Variants in BNC2 observed in about 807,000 individuals in gnomAD.
The protein encoded by BNC2 is basonuclin zinc finger protein 2.
In BNC2, 20 loss-of-function variants were observed where a neutral mutation model predicts 76.3. The observed-to-expected ratio is 0.26, with a 90% CI of 0.18 to 0.38. The LOEUF is 0.38. Ranked by LOEUF, BNC2 falls within the 10% of genes least tolerant of loss-of-function variation. The pLI, the probability that BNC2 is intolerant of heterozygous loss-of-function variation, is 1.00. For missense variants in BNC2, 1,382 were observed against 1,399.8 expected (o/e 0.99, Z 0.20); for synonymous variants, 582 against 514.8 (o/e 1.13, Z -1.77).
chr9:16,618,868 G>A, intron 3 of BNC2, among the ~76,000 whole-genome samples: 1 of 152,142 alleles, frequency 6.6e-6, no homozygotes, highest in East Asian at 1.9e-4. Flanking sequence ...CTAAGAAAAG[G>A]CGCCCTTCTA....
At chr9:16,467,832 TAAAAAAAAAAAATTA>T (rs1280689955) in intron 5 of BNC2, among the ~76,000 whole-genome samples, 1 of 113,746 alleles carries the variant, frequency 8.8e-6, no homozygotes, top group African/African-American at 3.4e-5. Flanking sequence ...TAGAGTATAA[TAAAAAAAAAAAATTA>T]AAAAAAAAAA....
intron 5 of BNC2, among the ~76,000 whole-genome samples, chr9:16,512,484 GCACA>G (rs113858472): frequency 5.1e-4 from 76 of 149,260 alleles, no homozygotes; most frequent in African/African-American, 1.0e-3. Context: ...TAACACACGC[GCACA>G]CACACACACA....
chr9:16,689,599 T>C (rs1302562939), intron 3 of BNC2, among the ~76,000 whole-genome samples: 1 of 151,644 alleles, frequency 6.6e-6, no homozygotes, highest in East Asian at 1.9e-4. Flanking sequence ...TCTGGCAGTG[T>C]TGAAGGGACA....
In BNC2 at chr9:16,610,143, C is replaced by CAA. The variant is rs76006394; in HGVS notation, c.331-27060_331-27059dup. On this transcript the variant is annotated intron_variant, in intron 3 of 6. Coordinates refer to ENST00000380672, the MANE Select transcript of BNC2 (RefSeq NM_017637.6). ...TGATGAGGGAAGGGAAAAGGGGTGG[C>CAA]AAAAACTGGGCGCACCATGTAACCA... 3.6e-3 allele frequency among the ~76,000 whole-genome samples: 551 copies of CAA among 152,078 alleles called. 3 individuals are homozygous for CAA. Among genetic ancestry groups the CAA allele is most frequent in the Non-Finnish European group, 6.2e-3 (421 of 68,020 alleles).
At chr9:16,440,696 T>C (rs1821108879) in intron 5 of BNC2, among the ~76,000 whole-genome samples, 1 of 152,174 alleles carries the variant, frequency 6.6e-6, no homozygotes, top group Non-Finnish European at 1.5e-5. Context: ...ATATGGTTTC[T>C]CCTGGCCCAC....
intron 3 of BNC2, among the ~76,000 whole-genome samples, chr9:16,634,885 GTT>G (rs59933674): frequency 3.3e-5 from 5 of 149,512 alleles, no homozygotes; most frequent in African/African-American, 7.3e-5. Flanking sequence ...TAATAAAGGT[GTT>G]TTTTTTTTTC....
intron 1 of BNC2, among the ~76,000 whole-genome samples, chr9:16,866,900 A>G (rs1451197221): frequency 6.6e-6 from 1 of 152,140 alleles, no homozygotes; most frequent in African/African-American, 2.4e-5. Context: ...CTCCCCTTCC[A>G]CAAGAAATGT....
rs183142022 is a variant in BNC2 at position 16,698,784 on chromosome 9, G to A, written c.330+29013C>T. 2.6e-5 allele frequency among the ~76,000 whole-genome samples: 4 copies of A among 152,160 alleles called. No individual in the cohort carries two copies. The East Asian group carries it at 7.7e-4, about 29-fold the overall frequency. ...CATTTTTTAAAAGTCACATATACAT[G>A]TAACATCATCCCTTTATGAAACTAC... On this transcript the variant is annotated intron_variant, in intron 3 of 6. Coordinates refer to ENST00000380672, the MANE Select transcript of BNC2 (RefSeq NM_017637.6).
chr9:16,562,146 G>A (rs149001277), intron 4 of BNC2, among the ~76,000 whole-genome samples: 91 of 152,158 alleles, frequency 6.0e-4, no homozygotes, highest in African/African-American at 2.0e-3. Flanking sequence ...TGTAAAATGG[G>A]CAATGATAAT....
intron 3 of BNC2, among the ~76,000 whole-genome samples, chr9:16,696,520 T>C (rs1413998038): frequency 6.6e-6 from 1 of 152,188 alleles, no homozygotes; most frequent in Non-Finnish European, 1.5e-5. Flanking sequence ...TCGTCCCAAG[T>C]GCTCTATGTT....
intron 5 of BNC2, among the ~76,000 whole-genome samples, chr9:16,481,504 G>A (rs939738015): frequency 2.0e-5 from 3 of 152,032 alleles, no homozygotes; most frequent in African/African-American, 7.2e-5. Context: ...AAACACATCC[G>A]AACATCAGAA....
chr9:16,737,081 C>A (rs1318809950), intron 2 of BNC2, among the ~76,000 whole-genome samples: 1 of 152,026 alleles, frequency 6.6e-6, no homozygotes, highest in Non-Finnish European at 1.5e-5. Context: ...GCTGGGATTA[C>A]AGGCGAGAGC....
At chr9:16,748,176 CT>C (rs1825065656) in intron 1 of BNC2, among the ~76,000 whole-genome samples, 1 of 152,132 alleles carries the variant, frequency 6.6e-6, no homozygotes, top group African/African-American at 2.4e-5. Context: ...GTAACAAATA[CT>C]TCTAAAATGG....
intron 3 of BNC2, among the ~76,000 whole-genome samples, chr9:16,606,764 G>C (rs1002749131): frequency 2.6e-5 from 4 of 152,216 alleles, no homozygotes; most frequent in African/African-American, 9.6e-5. Context: ...CGCCACGTTG[G>C]CCAGGCTGGT....
chr9:16,794,352 C>A (rs1212333387), intron 1 of BNC2, among the ~76,000 whole-genome samples: 4 of 152,130 alleles, frequency 2.6e-5, no homozygotes, highest in Non-Finnish European at 5.9e-5. Flanking sequence ...CATGACTGAG[C>A]TTTTTTCACA....
intron 3 of BNC2, among the ~76,000 whole-genome samples, chr9:16,594,268 C>G: frequency 6.6e-6 from 1 of 152,092 alleles, no homozygotes; most frequent in East Asian, 1.9e-4. Context: ...ACTTTGGTGA[C>G]GAAGCAAAGA....
intron 1 of BNC2, among the ~76,000 whole-genome samples, chr9:16,756,853 T>C (rs1221991255): frequency 6.6e-6 from 1 of 152,010 alleles, no homozygotes; most frequent in East Asian, 1.9e-4. Flanking sequence ...TAACCGGGCA[T>C]GGTGGCAGGT....
At chr9:16,490,418 G>A (rs143189158) in intron 5 of BNC2, among the ~76,000 whole-genome samples, 5,399 of 152,220 alleles carry the variant, frequency 0.035, 140 homozygotes, top group South Asian at 0.11. Context: ...CCCACAACAC[G>A]TGGGAATTCT....
rs147902401 is a variant in BNC2 at position 16,663,829 on chromosome 9, T to C, written c.330+63968A>G. On this transcript the variant is annotated intron_variant, in intron 3 of 6. Coordinates refer to ENST00000380672, the MANE Select transcript of BNC2 (RefSeq NM_017637.6). The stretch of plus-strand genomic sequence containing the variant: ...CTGAAAGCAGACACATGAAAACAGA[T>C]TTTTCCAAATAAATTTTTGCCTTAA... Among the ~76,000 whole-genome samples the C allele has an allele frequency of 2.3e-3, 350 of 152,306 alleles. 1 individual carries two copies. Among genetic ancestry groups the C allele is most frequent in the African/African-American group, 7.8e-3 (324 of 41,572 alleles).
Sources: gnomAD v4.1 joint callset for allele counts (sites outside exome capture counted in the v4.1 genomes callset) on GRCh38, gnomAD v4.1.1 for gene constraint, MANE v1.5 for transcripts, NCBI Gene and HGNC (gene_info 2026-07-23, HGNC 2026-07-21) for gene names.